Variants in RBFOX3 observed in about 807,000 individuals in gnomAD.
The protein encoded by RBFOX3 is RNA binding fox-1 homolog 3.
Under a neutral mutation model 48.7 loss-of-function variants are expected in RBFOX3, and 17 were observed. The ratio of observed to expected loss-of-function variants is 0.35; its 90% CI spans 0.24 to 0.52. The LOEUF is 0.52. Ranked by LOEUF, RBFOX3 falls within the 20% of genes least tolerant of loss-of-function variation. The probability of loss-of-function intolerance (pLI) is 0.94; values close to 1 mark genes in which losing one functional copy is unlikely to be tolerated. For missense variants in RBFOX3, 382 were observed against 497.5 expected (o/e 0.77, Z 2.21); for synonymous variants, 212 against 209.5 (o/e 1.01, Z -0.10).
chr17:79,478,069 G>A (rs905194271), intron 2 of RBFOX3, among the ~76,000 whole-genome samples: 2 of 152,186 alleles, frequency 1.3e-5, no homozygotes, highest in Non-Finnish European at 2.9e-5. Context: ...CCGCTGCCAA[G>A]CAACGCTCAT....
intron 1 of RBFOX3, among the ~76,000 whole-genome samples, chr17:79,518,427 C>G (rs1323297817): frequency 2.6e-5 from 4 of 152,258 alleles, no homozygotes; most frequent in African/African-American, 9.6e-5. Flanking sequence ...GATGGCCTGG[C>G]CGGGGCCCCA....
intron 4 of RBFOX3, among the ~76,000 whole-genome samples, chr17:79,197,263 C>T (rs937448705): frequency 8.9e-6 from 1 of 112,960 alleles, no homozygotes; most frequent in African/African-American, 3.6e-5. Context: ...TCTGTGTCTC[C>T]CGCTACATCT....
At chr17:79,585,118 A>C (rs1238375016) in intron 1 of RBFOX3, among the ~76,000 whole-genome samples, 1 of 152,148 alleles carries the variant, frequency 6.6e-6, no homozygotes, top group East Asian at 1.9e-4. Flanking sequence ...GTGAGGGGAT[A>C]AAAGACGACA....
chr17:79,367,757 C>G (rs2057994492), intron 2 of RBFOX3, among the ~76,000 whole-genome samples: 1 of 152,016 alleles, frequency 6.6e-6, no homozygotes, highest in South Asian at 2.1e-4. Context: ...ACAGGCAGCT[C>G]TTTTGGGGGG....
At chr17:79,568,570 A>G (rs2092552107) in intron 1 of RBFOX3, among the ~76,000 whole-genome samples, 2 of 152,150 alleles carry the variant, frequency 1.3e-5, no homozygotes, top group African/African-American at 4.8e-5. Flanking sequence ...CTCCCACCAC[A>G]ACTAAAGCTG....
intron 2 of RBFOX3, among the ~76,000 whole-genome samples, chr17:79,344,592 T>C (rs2082601567): frequency 1.3e-5 from 2 of 150,130 alleles, no homozygotes; most frequent in Admixed American, 6.7e-5. Context: ...TCTCACTCCA[T>C]TGCCCAGGCT....
chr17:79,213,321 G>A (rs1017268871), intron 4 of RBFOX3, among the ~76,000 whole-genome samples: 8 of 150,820 alleles, frequency 5.3e-5, no homozygotes, highest in South Asian at 2.1e-4. Context: ...AGGACGCGGC[G>A]GGGGGGCACC....
At chr17:79,411,890 T>C (rs2064402102) in intron 2 of RBFOX3, among the ~76,000 whole-genome samples, 1 of 152,190 alleles carries the variant, frequency 6.6e-6, no homozygotes, top group South Asian at 2.1e-4. Context: ...GCAGCGTGTA[T>C]GCACGTGTTG....
At chr17:79,513,166 T>C (rs1190761664) in intron 1 of RBFOX3, among the ~76,000 whole-genome samples, 3 of 110,810 alleles carry the variant, frequency 2.7e-5, no homozygotes, top group African/African-American at 7.2e-5. Flanking sequence ...CCAGGGGACA[T>C]ACACCTGGAT....
chr17:79,627,369 G>A, the RBFOX3 span, among the ~76,000 whole-genome samples: 1 of 152,214 alleles, frequency 6.6e-6, no homozygotes, highest in Non-Finnish European at 1.5e-5. Context: ...AGCCTCCCCG[G>A]TGAAGTAGAG....
intron 4 of RBFOX3, among the ~76,000 whole-genome samples, chr17:79,231,297 C>A (rs938609178): frequency 6.6e-6 from 1 of 152,094 alleles, no homozygotes; most frequent in Non-Finnish European, 1.5e-5. Context: ...AAGGTTGAGG[C>A]GAGAACCCCC....
intron 4 of RBFOX3, among the ~76,000 whole-genome samples, chr17:79,156,649 C>A (rs2045870436): frequency 6.6e-6 from 1 of 152,238 alleles, no homozygotes; most frequent in Non-Finnish European, 1.5e-5. Context: ...GCCACACCCC[C>A]TCACTCACAT....
intron 1 of RBFOX3, among the ~76,000 whole-genome samples, chr17:79,546,827 A>G (rs113155077): frequency 0.038 from 5,689 of 151,272 alleles, 295 homozygotes; most frequent in African/African-American, 0.13. Context: ...ACACCACCAC[A>G]CCCGGCTAAT....
chr17:79,331,434 G>T (rs1456036510), intron 2 of RBFOX3, among the ~76,000 whole-genome samples: 1 of 152,008 alleles, frequency 6.6e-6, no homozygotes, highest in African/African-American at 2.4e-5. Context: ...TGTCAGGGTG[G>T]GTGTCAAGAC....
chr17:79,536,839 G>A (rs558957258), intron 1 of RBFOX3, among the ~76,000 whole-genome samples: 76 of 152,250 alleles, frequency 5.0e-4, no homozygotes, highest in African/African-American at 1.6e-3. Context: ...TAATCCCAGC[G>A]CTTTGGGAGG....
At chr17:79,436,797 G>C (rs537567460) in intron 2 of RBFOX3, among the ~76,000 whole-genome samples, 6 of 152,250 alleles carry the variant, frequency 3.9e-5, no homozygotes, top group African/African-American at 1.4e-4. Flanking sequence ...CTCTATGCAG[G>C]ATCCAAGGCC....
At chr17:79,358,095 C>A (rs994890935) in intron 2 of RBFOX3, among the ~76,000 whole-genome samples, 1 of 152,114 alleles carries the variant, frequency 6.6e-6, no homozygotes, top group Non-Finnish European at 1.5e-5. Context: ...CACAGGCACA[C>A]ACCACCAGCC....
At chr17:79,182,754 C>T (rs879733623) in intron 4 of RBFOX3, among the ~76,000 whole-genome samples, 46 of 151,670 alleles carry the variant, frequency 3.0e-4, no homozygotes, top group Non-Finnish European at 4.6e-4. Context: ...CCTCGCCAGG[C>T]GGGTGGCCCA....
chr17:79,326,805 G>T (rs1341305111), intron 2 of RBFOX3, among the ~76,000 whole-genome samples: 2 of 152,228 alleles, frequency 1.3e-5, no homozygotes, highest in Non-Finnish European at 2.9e-5. Flanking sequence ...CTCTAGAAAA[G>T]ACAGCTACAA....
Sources: allele counts gnomAD v4.1 joint callset (sites outside exome capture counted in the v4.1 genomes callset), GRCh38; gene constraint gnomAD v4.1.1; transcripts MANE v1.5; gene names NCBI Gene and HGNC (gene_info 2026-07-23, HGNC 2026-07-21).